Variants in PAX3 observed in about 807,000 individuals in gnomAD.
PAX3 encodes the protein paired box protein Pax-3.
PAX3 carries 14 observed loss-of-function variants against 51.6 expected under a neutral mutation model. That is an observed-to-expected ratio of 0.27 (90% CI 0.18 to 0.42). The LOEUF is 0.42. Ranked by LOEUF, PAX3 falls within the 10% of genes least tolerant of loss-of-function variation. PAX3 has a pLI of 1.00. For synonymous variants in PAX3, 280 were observed against 253.4 expected, an observed-to-expected ratio of 1.11 and a Z score of -1.00; for missense variants, 540 against 642.8, an observed-to-expected ratio of 0.84 and a Z score of 1.73.
chr2:222,291,358 T>G (rs542985248), intron 4 of PAX3, among the ~76,000 whole-genome samples: 14 of 152,200 alleles, frequency 9.2e-5, no homozygotes, highest in African/African-American at 3.1e-4. Context: ...GCTGGAGGGA[T>G]GTATCCAGCA....
chr2:222,294,150 A>C lies in PAX3; in HGVS notation c.586+17T>G. 1 of 1,614,058 alleles carries C rather than the reference A, an allele frequency of 6.2e-7. No individual in the cohort carries two copies. The highest frequency in any genetic ancestry group is 8.5e-7 in the Non-Finnish European group (1 of 1,179,930). On this transcript the variant is annotated intron_variant, in intron 4 of 8. Transcript: ENST00000392070. ...AAGTCACCCAGCAAGTGCGCCGCCC[A>C]AGGCGCCACCGCTTACCTCGCTCGC...
chr2:222,258,871 G>C (rs755227033), intron 4 of PAX3, among the ~76,000 whole-genome samples: 1 of 152,102 alleles, frequency 6.6e-6, no homozygotes, highest in Admixed American at 6.6e-5. Flanking sequence ...GTCTCTTATT[G>C]GTGATGCTGA....
chr2:222,249,133 CTGT>C (rs1693332056), intron 4 of PAX3, among the ~76,000 whole-genome samples: 2 of 152,328 alleles, frequency 1.3e-5, no homozygotes, highest in African/African-American at 2.4e-5. Flanking sequence ...CCCCACCAGA[CTGT>C]TATTATTACA....
intron 7 of PAX3, among the ~76,000 whole-genome samples, chr2:222,203,538 C>T (rs1340757400): frequency 6.6e-6 from 1 of 152,030 alleles, no homozygotes; most frequent in African/African-American, 2.4e-5. Flanking sequence ...ACAACCAAGC[C>T]CTGACTATAA....
At chr2:222,252,800 A>T (rs572207865) in intron 4 of PAX3, among the ~76,000 whole-genome samples, 9 of 152,298 alleles carry the variant, frequency 5.9e-5, no homozygotes, top group African/African-American at 2.2e-4. Flanking sequence ...ATTATACCCC[A>T]AAACTGAGCT....
intron 7 of PAX3, among the ~76,000 whole-genome samples, 176 bp from the exon 8 acceptor site, chr2:222,202,366 C>T (rs912060443): frequency 2.0e-5 from 3 of 151,054 alleles, no homozygotes; most frequent in African/African-American, 7.3e-5. Flanking sequence ...TCATGCCCGA[C>T]GATAACATCT....
chr2:222,260,566 TTTTTTTTTTTTGTTTTTTTTTTTTG>T (rs759393279), intron 4 of PAX3, among the ~76,000 whole-genome samples: 34 of 60,264 alleles, frequency 5.6e-4, no homozygotes, highest in Non-Finnish European at 7.2e-4. Flanking sequence ...TTTTTTTTTG[TTTTTTTTTTTTGTTTTTTTTTTTTG>T]TTTTTTTTTT....
At chr2:222,237,433 C>T (rs1391104022) in intron 4 of PAX3, among the ~76,000 whole-genome samples, 1 of 151,916 alleles carries the variant, frequency 6.6e-6, no homozygotes, top group Non-Finnish European at 1.5e-5. Context: ...CTAATCACCA[C>T]TATTGCTACC....
chr2:222,236,684 A>G (rs1214034581), intron 4 of PAX3, among the ~76,000 whole-genome samples: 1 of 152,220 alleles, frequency 6.6e-6, no homozygotes, highest in East Asian at 1.9e-4. Flanking sequence ...TGTGTAAATG[A>G]GTTAATAAAT....
Position 222,273,871 on chromosome 2 carries a change from G to A in PAX3, c.586+20296C>T, listed in dbSNP as rs376471401. On this transcript the variant is annotated intron_variant, in intron 4 of 8. Coordinates refer to ENST00000392070, the MANE Select transcript of PAX3 (RefSeq NM_181458.4). Reference sequence around the variant, plus strand: ...ACTAAAACATGGCAAATTCGGTGCTGTAATTTTTTAAATTTGCTCCTCAAT... The same window carrying A: ...ACTAAAACATGGCAAATTCGGTGCTATAATTTTTTAAATTTGCTCCTCAAT... 5.9e-5 allele frequency among the ~76,000 whole-genome samples: 9 copies of A among 152,094 alleles called. No homozygotes were observed. In the South Asian group the frequency reaches 1.2e-3, roughly 21 times the overall value.
At chr2:222,250,202 C>G (rs1458351271) in intron 4 of PAX3, among the ~76,000 whole-genome samples, 1 of 152,118 alleles carries the variant, frequency 6.6e-6, no homozygotes, top group East Asian at 1.9e-4. Flanking sequence ...CAGAACACAG[C>G]TGAAATAGTT....
At position 222,226,106 on chromosome 2, in the gene PAX3, C is replaced by T. The variant is rs114488385; in HGVS notation, c.793-4719G>A. 6.2e-3 allele frequency among the ~76,000 whole-genome samples: 942 copies of T among 152,238 alleles called. 7 individuals carry two copies. Among genetic ancestry groups the T allele is most frequent in the Admixed American group, 0.011 (170 of 15,282 alleles). On this transcript the variant is annotated intron_variant, in intron 5 of 8. Coordinates refer to ENST00000392070, the MANE Select transcript of PAX3 (RefSeq NM_181458.4). ...GCAATTCAGCCTACATTATTCAAGA[C>T]GGATTACTTCAAATGCAATTTGAAA...
chr2:222,254,265 T>C (rs992944627), intron 4 of PAX3, among the ~76,000 whole-genome samples: 1 of 152,206 alleles, frequency 6.6e-6, no homozygotes, highest in African/African-American at 2.4e-5. Context: ...GTTATTTGCC[T>C]GGGGAAAGGA....
chr2:222,295,750 C>T (rs1695262467), intron 2 of PAX3, 93 bp from the exon 3 acceptor site: 5 of 1,416,708 alleles, frequency 3.5e-6, no homozygotes, highest in South Asian at 2.3e-5. Flanking sequence ...GGATGCTCCT[C>T]GCTGAATCCT....
intron 3 of PAX3, 49 bp downstream of exon 3, chr2:222,295,479 A>T: frequency 6.2e-7 from 1 of 1,608,780 alleles, no homozygotes; most frequent in Middle Eastern, 1.7e-4. Context: ...GTGCCGGGGT[A>T]ATAGCGACTG....
At chr2:222,225,887 C>T (rs540959885) in intron 5 of PAX3, among the ~76,000 whole-genome samples, 1 of 152,264 alleles carries the variant, frequency 6.6e-6, no homozygotes, top group Non-Finnish European at 1.5e-5. Flanking sequence ...CAGCCAAAGC[C>T]TTTTGTGTCT....
intron 3 of PAX3, 136 bp downstream of exon 3, chr2:222,295,392 A>G: frequency 3.8e-6 from 4 of 1,057,890 alleles, no homozygotes; most frequent in Non-Finnish European, 5.8e-6. Flanking sequence ...CCGGGTTGGC[A>G]AATATTGCAG....
At chr2:222,279,330 T>TGTGTGC (rs372245266) in intron 4 of PAX3, among the ~76,000 whole-genome samples, 34 of 149,780 alleles carry the variant, frequency 2.3e-4, no homozygotes, top group Admixed American at 2.0e-3. Context: ...TGTGTGTGTG[T>TGTGTGC]GGTGTAGTAG....
At position 222,199,968 on chromosome 2, in the gene PAX3, T is replaced by G. The variant is rs1295310744; in HGVS notation, c.*1440A>C. ...CATGAAAGACATTTTTACAACACATTGTTGTTGGTTGAGGCTGCAACACAA... is the reference window on the plus strand; with the variant it reads ...CATGAAAGACATTTTTACAACACATGGTTGTTGGTTGAGGCTGCAACACAA... On this transcript the variant is annotated 3_prime_UTR_variant, in exon 9 of 9. Coordinates refer to ENST00000392070, the MANE Select transcript of PAX3 (RefSeq NM_181458.4). The G allele has an allele frequency of 5.2e-6, 1 of 192,956 alleles. No individual in the cohort carries two copies. Among genetic ancestry groups the G allele is most frequent in the Non-Finnish European group, 1.1e-5 (1 of 92,108 alleles). The allele number at this position is 192,956 out of a possible 1,614,324, so 12.0% of individuals were successfully genotyped here.
Sources: allele counts gnomAD v4.1 joint callset (sites outside exome capture counted in the v4.1 genomes callset), GRCh38; gene constraint gnomAD v4.1.1; transcripts MANE v1.5; gene names NCBI Gene and HGNC (gene_info 2026-07-23, HGNC 2026-07-21).